Variants in NELL1 observed in about 807,000 individuals in gnomAD.
NELL1 encodes neural EGFL like 1.
In NELL1, 76 loss-of-function variants were observed where a neutral mutation model predicts 107.4. The ratio of observed to expected loss-of-function variants is 0.71; its 90% CI spans 0.59 to 0.86. The LOEUF is 0.86. Ranked by LOEUF, NELL1 falls within the 40% of genes least tolerant of loss-of-function variation. NELL1 has a pLI of 0.00. For missense variants in NELL1, 1,024 were observed against 1,005.5 expected, an observed-to-expected ratio of 1.02 and a Z score of -0.25; for synonymous variants, 353 against 341.2, an observed-to-expected ratio of 1.03 and a Z score of -0.38.
intron 13 of NELL1, among the ~76,000 whole-genome samples, chr11:21,131,598 A>G (rs1348878422): frequency 6.6e-6 from 1 of 152,176 alleles, no homozygotes; most frequent in Non-Finnish European, 1.5e-5. Context: ...TGCTTGCTAC[A>G]ATGATATGTA....
At chr11:21,247,236 A>G (rs1367963128) in intron 14 of NELL1, among the ~76,000 whole-genome samples, 1 of 152,152 alleles carries the variant, frequency 6.6e-6, no homozygotes, top group Non-Finnish European at 1.5e-5. Context: ...GCAACGCTAC[A>G]TTTATTAAAA....
intron 16 of NELL1, among the ~76,000 whole-genome samples, chr11:21,552,363 T>C (rs892007789): frequency 4.0e-5 from 6 of 151,818 alleles, no homozygotes; most frequent in African/African-American, 1.4e-4. Flanking sequence ...AAATCATTTA[T>C]CAGAGAGTCT....
chr11:21,381,904 ATTTTTTTTTTTTTTT>A (rs149327802), intron 15 of NELL1, among the ~76,000 whole-genome samples: 4 of 91,354 alleles, frequency 4.4e-5, no homozygotes, highest in African/African-American at 8.9e-5. Flanking sequence ...CCTGGAAGGG[ATTTTTTTTTTTTTTT>A]TTTTTTTTTT....
chr11:21,284,336 G>C, intron 14 of NELL1: 1 of 457,260 alleles, frequency 2.2e-6, no homozygotes, highest in Non-Finnish European at 4.4e-6. Context: ...GAGTGTGAAA[G>C]GAGTGACAGA....
intron 17 of NELL1, 42 bp downstream of exon 17, chr11:21,560,424 C>A (rs1305431250): frequency 1.3e-6 from 2 of 1,496,428 alleles, no homozygotes; most frequent in Non-Finnish European, 1.8e-6. Flanking sequence ...ACTGTTCTTT[C>A]TCTTCTTCCC....
intron 15 of NELL1, among the ~76,000 whole-genome samples, chr11:21,430,123 G>A (rs1852930261): frequency 2.6e-5 from 4 of 152,104 alleles, no homozygotes; most frequent in African/African-American, 9.7e-5. Context: ...GTACATGGAA[G>A]GCCAAAGATA....
intron 14 of NELL1, chr11:21,260,116 G>C (rs142824749): frequency 1.3e-5 from 2 of 151,974 alleles, no homozygotes; most frequent in African/African-American, 4.8e-5. Context: ...TGTTAAAATA[G>C]TCTTATCACA....
chr11:21,269,903 G>C (rs1052507773), intron 14 of NELL1, among the ~76,000 whole-genome samples: 26 of 152,102 alleles, frequency 1.7e-4, no homozygotes, highest in Non-Finnish European at 1.5e-5. Context: ...ATGATACAGT[G>C]ATGGGAGAGA....
At chr11:20,725,015 TTTAAAAC>T in intron 2 of NELL1, among the ~76,000 whole-genome samples, 1 of 152,206 alleles carries the variant, frequency 6.6e-6, no homozygotes, top group East Asian at 1.9e-4. Context: ...AGTGCCACAC[TTTAAAAC>T]CATCAGCTCT....
At chr11:20,937,910 A>C in intron 10 of NELL1, 51 bp downstream of exon 10, 1 of 1,549,346 alleles carries the variant, frequency 6.5e-7, no homozygotes, top group Non-Finnish European at 8.9e-7. Flanking sequence ...GAATAGATAG[A>C]TGTGTGGGCT....
At chr11:21,423,690 C>T (rs1852749921) in intron 15 of NELL1, among the ~76,000 whole-genome samples, 1 of 152,126 alleles carries the variant, frequency 6.6e-6, no homozygotes, top group South Asian at 2.1e-4. Flanking sequence ...TTCTCAAGTG[C>T]AAATGAGATA....
At chr11:21,244,396 C>T (rs949234080) in intron 14 of NELL1, among the ~76,000 whole-genome samples, 3 of 152,090 alleles carry the variant, frequency 2.0e-5, no homozygotes, top group Non-Finnish European at 4.4e-5. Flanking sequence ...GATAGGGAAA[C>T]ATGGCAATTT....
At chr11:20,702,865 C>G (rs57868917) in intron 2 of NELL1, among the ~76,000 whole-genome samples, 2,041 of 152,228 alleles carry the variant, frequency 0.013, 39 homozygotes, top group African/African-American at 0.047. Context: ...AAGCCCACTT[C>G]ATCATGGTGG....
chr11:20,706,460 T>C (rs1854958498), intron 2 of NELL1, among the ~76,000 whole-genome samples: 1 of 144,524 alleles, frequency 6.9e-6, no homozygotes, highest in Admixed American at 7.3e-5. Flanking sequence ...GAGGTGGGGA[T>C]TGAACAATGA....
intron 14 of NELL1, among the ~76,000 whole-genome samples, chr11:21,303,657 C>T (rs767510368): frequency 5.3e-5 from 8 of 151,960 alleles, no homozygotes; most frequent in South Asian, 2.1e-4. Flanking sequence ...CTCACTTCTG[C>T]GTAGTTACTC....
intron 12 of NELL1, among the ~76,000 whole-genome samples, chr11:21,043,640 A>G (rs1853291087): frequency 1.3e-5 from 2 of 152,156 alleles, no homozygotes; most frequent in South Asian, 2.1e-4. Flanking sequence ...TGGTGAATCT[A>G]TTGGAGGAGG....
At chr11:21,385,120 C>T (rs1306546882) in intron 15 of NELL1, among the ~76,000 whole-genome samples, 3 of 151,852 alleles carry the variant, frequency 2.0e-5, no homozygotes, top group Admixed American at 2.0e-4. Flanking sequence ...ACATTTCCTC[C>T]TTCCCATTGC....
chr11:21,379,269 G>A (rs1851554593), intron 15 of NELL1, among the ~76,000 whole-genome samples: 1 of 152,182 alleles, frequency 6.6e-6, no homozygotes, highest in South Asian at 2.1e-4. Context: ...CAAGTTGTAG[G>A]CTAGAACACA....
At chr11:21,548,880 C>T (rs1856507913) in intron 16 of NELL1, among the ~76,000 whole-genome samples, 1 of 150,562 alleles carries the variant, frequency 6.6e-6, no homozygotes, top group Non-Finnish European at 1.5e-5. Flanking sequence ...ACCTCTTACA[C>T]TGGGGTCCTA....
Sources: allele counts gnomAD v4.1 joint callset (sites outside exome capture counted in the v4.1 genomes callset), GRCh38; gene constraint gnomAD v4.1.1; transcripts MANE v1.5; gene names NCBI Gene and HGNC (gene_info 2026-07-23, HGNC 2026-07-21).